Variants in RALGAPA2 observed in about 807,000 individuals in gnomAD.
RALGAPA2 encodes the protein ral GTPase-activating protein subunit alpha-2.
RALGAPA2 carries 139 observed loss-of-function variants against 230.4 expected under a neutral mutation model. The ratio of observed to expected loss-of-function variants is 0.60; its 90% CI spans 0.53 to 0.69. The LOEUF is 0.69. Ranked by LOEUF, RALGAPA2 falls within the 30% of genes least tolerant of loss-of-function variation. The pLI, the probability that RALGAPA2 is intolerant of heterozygous loss-of-function variation, is 0.00. For synonymous variants in RALGAPA2, 847 were observed against 837.8 expected, an observed-to-expected ratio of 1.01 and a Z score of -0.19; for missense variants, 2,163 against 2,276.0, an observed-to-expected ratio of 0.95 and a Z score of 1.01.
intron 8 of RALGAPA2, among the ~76,000 whole-genome samples, chr20:20,636,123 T>C (rs2066849104): frequency 6.6e-6 from 1 of 152,196 alleles, no homozygotes; most frequent in African/African-American, 2.4e-5. Flanking sequence ...ATCATCTACT[T>C]TATATTTAAA....
chr20:20,516,346 G>C (rs531275320), intron 31 of RALGAPA2, among the ~76,000 whole-genome samples: 167 of 152,292 alleles, frequency 1.1e-3, no homozygotes, highest in African/African-American at 3.9e-3. Context: ...GCAATTTAGG[G>C]CAAGCTCAAA....
chr20:20,473,440 G>A (rs910112949), intron 36 of RALGAPA2, among the ~76,000 whole-genome samples: 1 of 151,954 alleles, frequency 6.6e-6, no homozygotes, highest in African/African-American at 2.4e-5. Flanking sequence ...CATTCTTCTC[G>A]ACCTTTTCCC....
intron 4 of RALGAPA2, among the ~76,000 whole-genome samples, chr20:20,648,810 T>C (rs1374108616): frequency 6.6e-6 from 1 of 151,800 alleles, no homozygotes; most frequent in Non-Finnish European, 1.5e-5. Context: ...GGGACAGAGG[T>C]TTCCACAGAG....
intron 37 of RALGAPA2, among the ~76,000 whole-genome samples, chr20:20,460,499 G>C (rs1214640227): frequency 6.6e-6 from 1 of 152,182 alleles, no homozygotes; most frequent in African/African-American, 2.4e-5. Context: ...ATGAAGGAAA[G>C]AGAATATCCC....
chr20:20,571,580 T>C lies in RALGAPA2; in HGVS notation c.3034A>G (p.Lys1012Glu). 6 of 1,611,846 alleles carry C rather than the reference T, an allele frequency of 3.7e-6. No homozygotes were observed. The highest frequency in any genetic ancestry group is 5.1e-6 in the Non-Finnish European group (6 of 1,179,054). ...CAGATCAGCCTGTAGGCTTGTAGTTTGCCTTCCTTATATTCATTTGGCAGT... is the reference window on the plus strand; with the variant it reads ...CAGATCAGCCTGTAGGCTTGTAGTTCGCCTTCCTTATATTCATTTGGCAGT... ...ATLPNEYKEG[K>E]LQAYRLICAM... Residue 1012 changes from lysine to glutamate, a missense_variant, in exon 23 of 40, where the codon AAA becomes GAA. Lys to Glu is a moderately conservative substitution (Grantham distance 56). Transcript: ENST00000202677.
chr20:20,696,014 G>A (rs1413450165), intron 1 of RALGAPA2, among the ~76,000 whole-genome samples: 1 of 151,808 alleles, frequency 6.6e-6, no homozygotes, highest in Non-Finnish European at 1.5e-5. Context: ...TAATATGCCT[G>A]CTCTCTGCCT....
At chr20:20,408,866 A>G (rs1602283601) in intron 38 of RALGAPA2, among the ~76,000 whole-genome samples, 1 of 152,378 alleles carries the variant, frequency 6.6e-6, no homozygotes, top group Non-Finnish European at 1.5e-5. Flanking sequence ...AAAGGAAGGT[A>G]AACTATAGTG....
intron 3 of RALGAPA2, among the ~76,000 whole-genome samples, chr20:20,670,156 G>A (rs1249115649): frequency 6.6e-6 from 1 of 152,212 alleles, no homozygotes; most frequent in African/African-American, 2.4e-5. Context: ...CTTGCTCATT[G>A]TTGTATCTCC....
At chr20:20,494,211 A>G (rs1448395933) in intron 36 of RALGAPA2, among the ~76,000 whole-genome samples, 1 of 152,218 alleles carries the variant, frequency 6.6e-6, no homozygotes, top group Non-Finnish European at 1.5e-5. Context: ...TGAACAATAA[A>G]TCTGTTGCCT....
At chr20:20,637,745 T>C (rs2066900990) in intron 7 of RALGAPA2, among the ~76,000 whole-genome samples, 2 of 152,236 alleles carry the variant, frequency 1.3e-5, no homozygotes, top group Non-Finnish European at 2.9e-5. Context: ...CTCAATGATA[T>C]CGTATCTTTT....
Position 20,712,471 on chromosome 20 carries a change from G to C in RALGAPA2, c.10C>G (p.Arg4Gly). 1 of 1,548,752 alleles carries C rather than the reference G, an allele frequency of 6.5e-7. No individual in the cohort carries two copies. Among genetic ancestry groups the C allele is most frequent in the Non-Finnish European group, 8.7e-7 (1 of 1,146,056 alleles). Residue 4 changes from arginine to glycine, a missense_variant, in exon 1 of 40, where the codon CGA becomes GGA. Arg to Gly is a moderately radical substitution (Grantham distance 125). Coordinates refer to ENST00000202677, the MANE Select transcript of RALGAPA2 (RefSeq NM_020343.4). This position sits in a 1 kb window ranked among gnomAD's most constrained non-coding sequence, Gnocchi z 5.5. ...TTCTTCACATCCCCGTGGCTCCTTC[G>C]GGAGAACATCCCGCGGCAGGAAGCC... is the stretch of plus-strand genomic sequence containing the variant. MFS[R>G]RSHGDVKKST... is the part of the protein sequence containing the mutation.
intron 9 of RALGAPA2, chr20:20,635,203 T>C (rs1603145885): frequency 1.8e-6 from 1 of 558,282 alleles, no homozygotes; most frequent in East Asian, 3.4e-5. Flanking sequence ...CGAGATTGCA[T>C]CATCATGGCA....
chr20:20,408,937 A>C (rs1348935530), intron 38 of RALGAPA2, among the ~76,000 whole-genome samples: 3 of 152,204 alleles, frequency 2.0e-5, no homozygotes, highest in Admixed American at 1.3e-4. Flanking sequence ...CAAGTAATGG[A>C]TGGAATAGAT....
intron 38 of RALGAPA2, among the ~76,000 whole-genome samples, chr20:20,399,262 G>A (rs776139455): frequency 8.1e-5 from 12 of 148,590 alleles, no homozygotes; most frequent in Admixed American, 1.4e-4. Context: ...CAGGAGAATC[G>A]CTTGAACTGG....
chr20:20,525,016 G>A, intron 28 of RALGAPA2, 118 bp from the exon 29 acceptor site: 2 of 830,910 alleles, frequency 2.4e-6, no homozygotes, highest in Non-Finnish European at 3.7e-6. Flanking sequence ...ACTCACCACA[G>A]AAAGGTGATA....
chr20:20,521,453 A>C (rs1307595897), intron 30 of RALGAPA2, among the ~76,000 whole-genome samples: 1 of 152,132 alleles, frequency 6.6e-6, no homozygotes, highest in African/African-American at 2.4e-5. Flanking sequence ...ATCACGGTGG[A>C]GGGTGGAATG....
chr20:20,646,644 G>T (rs945173285), intron 4 of RALGAPA2, among the ~76,000 whole-genome samples: 2 of 152,016 alleles, frequency 1.3e-5, no homozygotes, highest in Non-Finnish European at 2.9e-5. Flanking sequence ...TTTTGAAGAG[G>T]CAGTAAAAAC....
chr20:20,523,971 G>A (rs187831780), intron 30 of RALGAPA2, among the ~76,000 whole-genome samples: 2 of 149,804 alleles, frequency 1.3e-5, no homozygotes, highest in East Asian at 3.9e-4. Context: ...TACTTTTTTG[G>A]GGGGGGATGG....
At chr20:20,534,921 T>C (rs901801821) in intron 26 of RALGAPA2, among the ~76,000 whole-genome samples, 7 of 152,360 alleles carry the variant, frequency 4.6e-5, no homozygotes, top group African/African-American at 1.4e-4. Context: ...GTTAGCTTAA[T>C]ATTTGCAAAT....
Sources: allele counts gnomAD v4.1 joint callset (sites outside exome capture counted in the v4.1 genomes callset), GRCh38; gene constraint gnomAD v4.1.1; non-coding constraint Gnocchi (gnomAD v3.1); transcripts MANE v1.5; gene names NCBI Gene and HGNC (gene_info 2026-07-23, HGNC 2026-07-21).